ST3GAL3: variants seen among roughly 807,000 people sequenced by gnomAD.
ST3GAL3 encodes CMP-N-acetylneuraminate-beta-1,4-galactoside alpha-2,3-sialyltransferase.
Under a neutral mutation model 50.1 loss-of-function variants are expected in ST3GAL3, and 21 were observed. The ratio of observed to expected loss-of-function variants is 0.42; its 90% CI spans 0.30 to 0.60. ST3GAL3 has a LOEUF of 0.60. Among genes scored for constraint, ST3GAL3 ranks in the 20% least tolerant of loss-of-function variants. ST3GAL3 has a pLI of 0.19. For synonymous variants in ST3GAL3, 183 were observed against 190.0 expected (o/e 0.96, Z 0.30); for missense variants, 353 against 489.4 (o/e 0.72, Z 2.63).
chr1:43,897,005 T>G (rs1390919482), intron 6 of ST3GAL3, among the ~76,000 whole-genome samples: 1 of 151,760 alleles, frequency 6.6e-6, no homozygotes, highest in Non-Finnish European at 1.5e-5. Context: ...TTGAGATTTA[T>G]CTATATTGGT....
At chr1:43,846,749 T>C (rs1412446953) in intron 5 of ST3GAL3, among the ~76,000 whole-genome samples, 1 of 152,224 alleles carries the variant, frequency 6.6e-6, no homozygotes, top group Non-Finnish European at 1.5e-5. Context: ...TCTGCCTGCC[T>C]CAGCCTCCCA....
chr1:43,775,830 A>G (rs953563155), intron 2 of ST3GAL3, among the ~76,000 whole-genome samples: 10 of 152,122 alleles, frequency 6.6e-5, no homozygotes, highest in African/African-American at 1.9e-4. Flanking sequence ...TCAATATAAT[A>G]TTAAGTAATA....
At chr1:43,798,241 T>A (rs538372984) in intron 3 of ST3GAL3, among the ~76,000 whole-genome samples, 178 of 152,312 alleles carry the variant, frequency 1.2e-3, no homozygotes, top group Non-Finnish European at 2.0e-3. Context: ...TTCCCTAGAC[T>A]AGAAACATCT....
chr1:43,731,000 C>T (rs543026255), intron 1 of ST3GAL3, among the ~76,000 whole-genome samples: 1 of 152,120 alleles, frequency 6.6e-6, no homozygotes, highest in Non-Finnish European at 1.5e-5. Flanking sequence ...TAGTTTGGTG[C>T]ATATTCTTTT....
intron 9 of ST3GAL3, chr1:43,913,377 A>G (rs1184086743): frequency 6.6e-6 from 1 of 152,192 alleles, no homozygotes; most frequent in East Asian, 1.9e-4. Flanking sequence ...TCTCAGCCCT[A>G]TTGTATGCAC....
rs947418661 is a variant in ST3GAL3, at chr1:43,928,524, C to T, written c.1039-1608C>T. 2.4e-4 allele frequency among the ~76,000 whole-genome samples: 37 copies of T among 151,384 alleles called. 1 individual carries two copies. In the Middle Eastern group the frequency reaches 0.014, roughly 56 times the overall value. ...CTGAGGCAGGAGAATCCCTTGAACC[C>T]GGGGGGCGGAGGTTGCAGTGAGCCA... is the stretch of plus-strand genomic sequence containing the variant. On this transcript the variant is annotated intron_variant, in intron 11 of 11. Transcript: ENST00000347631.
rs76732493 is a variant in ST3GAL3, at chr1:43,749,673, A to G, written c.118+13293A>G. Among the ~76,000 whole-genome samples, 192 of 152,352 alleles carry G rather than the reference A, an allele frequency of 1.3e-3. 1 individual carries two copies. The highest frequency in any genetic ancestry group is 4.3e-3 in the African/African-American group (177 of 41,586). ...ACAAATGACTGATAAGCACCTTGCT[A>G]TGGTTTGAATGTTCTTGTCCCTTCC... On this transcript the variant is annotated intron_variant, in intron 2 of 11. Transcript: ENST00000347631.
chr1:43,891,613 T>G (rs1272122245), intron 5 of ST3GAL3, among the ~76,000 whole-genome samples: 1 of 151,986 alleles, frequency 6.6e-6, no homozygotes, highest in Non-Finnish European at 1.5e-5. Context: ...GCTACAAAAA[T>G]TACAATAGAT....
chr1:43,917,648 T>A (rs12410275), intron 9 of ST3GAL3, among the ~76,000 whole-genome samples: 17 of 69,966 alleles, frequency 2.4e-4, no homozygotes, highest in South Asian at 1.6e-3. Context: ...ATATAATATA[T>A]AATATAATAT....
intron 5 of ST3GAL3, among the ~76,000 whole-genome samples, chr1:43,884,433 T>C (rs2075652408): frequency 6.6e-6 from 1 of 152,202 alleles, no homozygotes; most frequent in Non-Finnish European, 1.5e-5. Flanking sequence ...ATTTAGAAAG[T>C]GTTCGCATTA....
At chr1:43,921,812 C>T in intron 11 of ST3GAL3, 1 of 398,822 alleles carries the variant, frequency 2.5e-6, no homozygotes, top group Non-Finnish European at 4.4e-6. Context: ...GGGCTCTGCA[C>T]TGTACTCCCA....
At chr1:43,766,941 A>T (rs1314066773) in intron 2 of ST3GAL3, among the ~76,000 whole-genome samples, 1 of 152,200 alleles carries the variant, frequency 6.6e-6, no homozygotes, top group Non-Finnish European at 1.5e-5. Flanking sequence ...TGATAGTAGC[A>T]TGAATAAAGT....
chr1:43,718,655 C>T (rs1307327783), intron 1 of ST3GAL3, among the ~76,000 whole-genome samples: 4 of 137,366 alleles, frequency 2.9e-5, no homozygotes, highest in African/African-American at 1.1e-4. Flanking sequence ...AGTTCCCATA[C>T]GTGTTTTTAT....
rs147399525 is a variant in ST3GAL3 at position 43,854,117 on chromosome 1, A to C, written c.302+15806A>C. Among the ~76,000 whole-genome samples the C allele has an allele frequency of 9.1e-3, 1,388 of 152,314 alleles. 9 individuals are homozygous for C. The highest frequency in any genetic ancestry group is 0.015 in the Non-Finnish European group (1,041 of 68,020). ...TTGTCCCATACCATAAATTATGGAGAAGAATGGAATACCATCTACTTCTCT... is the reference window on the plus strand; with the variant it reads ...TTGTCCCATACCATAAATTATGGAGCAGAATGGAATACCATCTACTTCTCT... On this transcript the variant is annotated intron_variant, in intron 5 of 11. Coordinates refer to ENST00000347631, the MANE Select transcript of ST3GAL3 (RefSeq NM_006279.5).
chr1:43,837,342 C>T (rs961077555), intron 4 of ST3GAL3, among the ~76,000 whole-genome samples: 1 of 57,678 alleles, frequency 1.7e-5, no homozygotes, highest in Non-Finnish European at 4.2e-5. Context: ...GAATAACATT[C>T]CAGGCAGAGA....
intron 3 of ST3GAL3, among the ~76,000 whole-genome samples, chr1:43,804,108 T>C (rs370887977): frequency 4.6e-5 from 7 of 152,208 alleles, no homozygotes; most frequent in East Asian, 1.9e-4. Flanking sequence ...TCTGGGATCA[T>C]TGGGCTGCTG....
At chr1:43,774,800 A>C (rs939832652) in intron 2 of ST3GAL3, among the ~76,000 whole-genome samples, 1 of 152,266 alleles carries the variant, frequency 6.6e-6, no homozygotes, top group African/African-American at 2.4e-5. Flanking sequence ...ATACATATTG[A>C]GTGTCTGCTG....
intron 3 of ST3GAL3, among the ~76,000 whole-genome samples, chr1:43,806,584 A>G (rs1302061829): frequency 6.6e-6 from 1 of 152,236 alleles, no homozygotes; most frequent in East Asian, 1.9e-4. Flanking sequence ...GGAACAGGCA[A>G]AGATAAGTCT....
At chr1:43,894,192 T>C (rs2077035178) in intron 5 of ST3GAL3, 191 bp from the exon 6 acceptor site, 1 of 651,978 alleles carries the variant, frequency 1.5e-6, no homozygotes, top group East Asian at 2.8e-5. Context: ...TCCCTCAGAC[T>C]CAGGCTCCAC....
Sources: allele counts gnomAD v4.1 joint callset (sites outside exome capture counted in the v4.1 genomes callset), GRCh38; gene constraint gnomAD v4.1.1; transcripts MANE v1.5; gene names NCBI Gene and HGNC (gene_info 2026-07-23, HGNC 2026-07-21).